AKT3: variants seen among roughly 807,000 people sequenced by gnomAD.
AKT3 encodes the protein AKT serine/threonine kinase 3.
In AKT3, 15 loss-of-function variants were observed where a neutral mutation model predicts 65.3. The ratio of observed to expected loss-of-function variants is 0.23; its 90% CI spans 0.15 to 0.35. The LOEUF (loss-of-function observed/expected upper bound fraction) is 0.35. AKT3 is among the 10% of genes least tolerant of loss of function. The probability of loss-of-function intolerance (pLI) is 1.00; values close to 1 mark genes in which losing one functional copy is unlikely to be tolerated. For missense variants in AKT3, 243 were observed against 576.5 expected (o/e 0.42, Z 5.92); for synonymous variants, 206 against 183.8 (o/e 1.12, Z -0.98).
chr1:243,639,035 T>A (rs1464641007), intron 5 of AKT3, among the ~76,000 whole-genome samples: 2 of 152,110 alleles, frequency 1.3e-5, no homozygotes, highest in African/African-American at 4.8e-5. Flanking sequence ...ATATCAGGAA[T>A]GACAGAGGTG....
intron 11 of AKT3, among the ~76,000 whole-genome samples, chr1:243,551,238 G>T (rs867319041): frequency 1.3e-5 from 2 of 152,118 alleles, no homozygotes; most frequent in South Asian, 4.1e-4. Context: ...TCAACTCAAT[G>T]AAATGGAAAT....
rs370563834 is a variant in AKT3 at position 243,501,448 on chromosome 1, A to C, written c.*3801T>G. ...AGATGATTCGGGTCTGAATGTCCCC[A>C]GGGTCTGAGACCTCCTTCATCCCTG... On this transcript the variant is annotated 3_prime_UTR_variant, in exon 14 of 14. Transcript: ENST00000673466. The C allele has an allele frequency of 1.9e-3, 448 of 233,202 alleles. 2 individuals carry two copies. The highest frequency in any genetic ancestry group is 2.5e-3 in the Non-Finnish European group (292 of 118,010). The allele number at this position is 233,202 out of a possible 1,614,324, so 14.4% of individuals were successfully genotyped here. A position where few individuals can be genotyped will look rare whatever the true frequency, so the allele number is the denominator to read the frequency against.
At chr1:243,525,148 T>G (rs996607816) in intron 12 of AKT3, among the ~76,000 whole-genome samples, 1 of 152,096 alleles carries the variant, frequency 6.6e-6, no homozygotes, top group Non-Finnish European at 1.5e-5. Context: ...GAACCACACA[T>G]GCACAGGGCA....
chr1:243,746,914 T>C (rs1688504125), intron 2 of AKT3, among the ~76,000 whole-genome samples: 1 of 151,578 alleles, frequency 6.6e-6, no homozygotes, highest in Non-Finnish European at 1.5e-5. Context: ...TGGGGGGCAG[T>C]ACAGGAAAGG....
intron 2 of AKT3, among the ~76,000 whole-genome samples, chr1:243,836,974 A>G (rs1694934736): frequency 6.6e-6 from 1 of 152,060 alleles, no homozygotes; most frequent in South Asian, 2.1e-4. Context: ...TCAAAGGAAA[A>G]AAGAGAGCAA....
intron 2 of AKT3, among the ~76,000 whole-genome samples, chr1:243,730,133 T>C (rs1201523850): frequency 6.6e-6 from 1 of 152,032 alleles, no homozygotes; most frequent in Non-Finnish European, 1.5e-5. Flanking sequence ...GCCAATGAAA[T>C]GGTGTTTTTT....
At chr1:243,574,304 C>T (rs1406807083) in intron 8 of AKT3, among the ~76,000 whole-genome samples, 1 of 151,160 alleles carries the variant, frequency 6.6e-6, no homozygotes, top group East Asian at 1.9e-4. Flanking sequence ...TATGCATGAC[C>T]CATTGGCATA....
chr1:243,827,625 A>T (rs932996949), intron 2 of AKT3, among the ~76,000 whole-genome samples: 9 of 152,196 alleles, frequency 5.9e-5, no homozygotes, highest in African/African-American at 1.9e-4. Context: ...ATAAAGTTTA[A>T]CCAAAGAATT....
At chr1:243,653,285 GACTAA>G (rs969184074) in intron 4 of AKT3, among the ~76,000 whole-genome samples, 8 of 152,106 alleles carry the variant, frequency 5.3e-5, no homozygotes, top group African/African-American at 1.9e-4. Context: ...AACCTCCCAA[GACTAA>G]ACCAAGGAGA....
chr1:243,559,614 T>C (rs765921476), intron 10 of AKT3, among the ~76,000 whole-genome samples: 1 of 152,166 alleles, frequency 6.6e-6, no homozygotes, highest in Non-Finnish European at 1.5e-5. Flanking sequence ...TAACACTCTT[T>C]GTGAAGTATC....
intron 2 of AKT3, among the ~76,000 whole-genome samples, chr1:243,773,646 T>C (rs77460978): frequency 0.026 from 3,957 of 152,128 alleles, 163 homozygotes; most frequent in African/African-American, 0.09. Flanking sequence ...AAAAGTTTTA[T>C]AAAATGAGAA....
chr1:243,573,154 G>A lies in AKT3; in HGVS notation c.697-106C>T, dbSNP rs1422776963. 3.0e-6 allele frequency: 4 copies of A among 1,342,862 alleles called. No homozygotes were observed. In the East Asian group the frequency reaches 7.3e-5, roughly 25 times the overall value. The allele number at this position is 1,342,862 out of a possible 1,614,324, so 83.2% of individuals were successfully genotyped here. On this transcript the variant is annotated intron_variant, in intron 8 of 13. Transcript: ENST00000673466. The stretch of plus-strand genomic sequence containing the variant: ...CATCACCATATTGTGATGATAGATA[G>A]TGTACTCTCAGTGGACACTGAGCAC...
intron 2 of AKT3, among the ~76,000 whole-genome samples, chr1:243,779,837 T>A (rs1161987033): frequency 6.6e-6 from 1 of 152,100 alleles, no homozygotes; most frequent in Non-Finnish European, 1.5e-5. Context: ...TGGAGACATG[T>A]CAAAAGAATT....
intron 2 of AKT3, among the ~76,000 whole-genome samples, chr1:243,752,533 T>C (rs1688870933): frequency 6.6e-6 from 1 of 152,246 alleles, no homozygotes; most frequent in Admixed American, 6.5e-5. Context: ...CATTAATCAC[T>C]TGCCAAATTT....
intron 12 of AKT3, among the ~76,000 whole-genome samples, chr1:243,520,795 G>A (rs1670670782): frequency 6.6e-6 from 1 of 152,150 alleles, no homozygotes; most frequent in Admixed American, 6.5e-5. Context: ...GCAACTTCAA[G>A]TCCGTATGGT....
intron 2 of AKT3, among the ~76,000 whole-genome samples, chr1:243,795,266 C>T (rs1408287853): frequency 1.3e-5 from 2 of 151,660 alleles, no homozygotes; most frequent in African/African-American, 2.4e-5. Flanking sequence ...CAGGGCTTAA[C>T]GACTGGTAGA....
At chr1:243,816,410 C>A (rs1693523759) in intron 2 of AKT3, among the ~76,000 whole-genome samples, 1 of 152,116 alleles carries the variant, frequency 6.6e-6, no homozygotes, top group Non-Finnish European at 1.5e-5. Context: ...TCCACTAGAT[C>A]CCTAAACCAA....
Position 243,615,084 on chromosome 1 carries a change from CT to C in AKT3, c.627+11del. On this transcript the variant is annotated intron_variant, in intron 7 of 13. Transcript: ENST00000673466. ...ATGTTACGATTATAACATCTGTCCT[CT>C]AGTCACTTACTGTTAAAAAGGGATG... The C allele has an allele frequency of 6.4e-7, 1 of 1,562,998 alleles. No homozygotes were observed. The highest frequency in any genetic ancestry group is 1.4e-5 in the African/African-American group (1 of 73,846).
At chr1:243,516,001 T>C (rs1670329993) in intron 12 of AKT3, among the ~76,000 whole-genome samples, 1 of 152,066 alleles carries the variant, frequency 6.6e-6, no homozygotes, top group African/African-American at 2.4e-5. Flanking sequence ...ATCTCTTGCA[T>C]ATTGATATCA....
Sources: gnomAD v4.1 joint callset for allele counts (sites outside exome capture counted in the v4.1 genomes callset) on GRCh38, gnomAD v4.1.1 for gene constraint, MANE v1.5 for transcripts, NCBI Gene and HGNC (gene_info 2026-07-23, HGNC 2026-07-21) for gene names.